HDAC8: variants seen among roughly 807,000 people sequenced by gnomAD.
HDAC8 encodes the protein histone deacetylase 8, also known as histone deacetylase-like 1.
HDAC8 carries 1 observed loss-of-function variant against 32.2 expected under a neutral mutation model. The observed-to-expected ratio is 0.03, with a 90% confidence interval of 0.01 to 0.15. The LOEUF is 0.15. Among genes scored for constraint, HDAC8 ranks in the 10% least tolerant of loss-of-function variants. The probability of loss-of-function intolerance (pLI) is 1.00; values close to 1 mark genes in which losing one functional copy is unlikely to be tolerated. For synonymous variants in HDAC8, 108 were observed against 113.9 expected, an observed-to-expected ratio of 0.95 and a Z score of 0.33; for missense variants, 117 against 300.0, an observed-to-expected ratio of 0.39 and a Z score of 4.51.
chrX:72,427,462 C>G (rs1162928052), intron 9 of HDAC8, among the ~76,000 whole-genome samples: 1 of 110,034 alleles, frequency 9.1e-6, no homozygotes, highest in Non-Finnish European at 1.9e-5. Flanking sequence ...ATGGATGAAG[C>G]TGGAAACCAT....
intron 4 of HDAC8, among the ~76,000 whole-genome samples, chrX:72,557,699 CA>C (rs1459747877): frequency 9.0e-6 from 1 of 110,944 alleles, no homozygotes; most frequent in Non-Finnish European, 1.9e-5. Flanking sequence ...AATCCAAGCC[CA>C]AACCCAGCAG....
At chrX:72,443,525 C>T (rs1306342282) in intron 9 of HDAC8, among the ~76,000 whole-genome samples, 1 of 111,952 alleles carries the variant, frequency 8.9e-6, no homozygotes, top group East Asian at 2.8e-4. Context: ...CTCTGGGACA[C>T]ATTCAAAGCA....
intron 4 of HDAC8, among the ~76,000 whole-genome samples, chrX:72,509,105 ATTT>A (rs782661463): frequency 9.8e-6 from 1 of 101,590 alleles, no homozygotes. Context: ...CCTCTTATCA[ATTT>A]TTTTTTTTTT....
At chrX:72,370,771 C>T (rs904132629) in intron 9 of HDAC8, among the ~76,000 whole-genome samples, 9 of 112,048 alleles carry the variant, frequency 8.0e-5, no homozygotes, top group African/African-American at 2.6e-4. Flanking sequence ...GTCTGATGTT[C>T]GAGGGCAGGA....
At chrX:72,364,544 A>G (rs1555953691) in intron 9 of HDAC8, among the ~76,000 whole-genome samples, 1 of 112,251 alleles carries the variant, frequency 8.9e-6, no homozygotes, top group Admixed American at 9.5e-5. Context: ...GAGAATGCTC[A>G]TCATCTTTTT....
intron 9 of HDAC8, among the ~76,000 whole-genome samples, chrX:72,414,744 G>T (rs2046289807): frequency 8.9e-6 from 1 of 111,788 alleles, no homozygotes; most frequent in Non-Finnish European, 1.9e-5. Flanking sequence ...GTCCACTTGT[G>T]CAGTGGCTGG....
intron 7 of HDAC8, among the ~76,000 whole-genome samples, chrX:72,481,405 A>G (rs2048499045): frequency 8.9e-6 from 1 of 111,938 alleles, no homozygotes; most frequent in Admixed American, 9.4e-5. Context: ...GGAAGGCTAA[A>G]TAATTACTTG....
chrX:72,396,864 A>G (rs1271171818), intron 9 of HDAC8, among the ~76,000 whole-genome samples: 3 of 111,737 alleles, frequency 2.7e-5, no homozygotes, highest in Non-Finnish European at 5.6e-5. Flanking sequence ...AACAACAACA[A>G]CAATAATGTA....
intron 9 of HDAC8, among the ~76,000 whole-genome samples, chrX:72,441,303 A>C (rs2047136597): frequency 3.6e-5 from 4 of 112,123 alleles, no homozygotes; most frequent in South Asian, 7.5e-4. Flanking sequence ...GGGCAGACTG[A>C]CACCTCACAC....
Position 72,345,450 on chromosome X carries a change from G to T in HDAC8, c.1111+6283C>A, listed in dbSNP as rs904667319. On this transcript the variant is annotated intron_variant, in intron 10 of 10. Coordinates refer to ENST00000373573, the MANE Select transcript of HDAC8 (RefSeq NM_018486.3). ...TGTTACACAATGTCTTCGGGTGCCA[G>T]TCTCCTACCTCATAAGGAAATTGTG... Among the ~76,000 whole-genome samples, 4 of 111,090 alleles carry T rather than the reference G, an allele frequency of 3.6e-5. No homozygotes were observed. In the Admixed American group the frequency reaches 3.8e-4, roughly 11 times the overall value.
intron 9 of HDAC8, among the ~76,000 whole-genome samples, chrX:72,390,235 T>C (rs2045577371): frequency 9.0e-6 from 1 of 111,713 alleles, no homozygotes; most frequent in South Asian, 3.7e-4. Context: ...TTGCTGACTA[T>C]AGTCACCCTG....
chrX:72,470,765 A>G (rs2048150623), intron 7 of HDAC8, among the ~76,000 whole-genome samples: 1 of 111,620 alleles, frequency 9.0e-6, no homozygotes, highest in Non-Finnish European at 1.9e-5. Flanking sequence ...AGCAACTGAC[A>G]GTTGATTCTA....
At chrX:72,363,461 C>G (rs73498321) in intron 9 of HDAC8, among the ~76,000 whole-genome samples, 10,180 of 110,966 alleles carry the variant, frequency 0.092, 550 homozygotes, top group African/African-American at 0.2. Flanking sequence ...AACAACTGCC[C>G]TCTCTCTATC....
At chrX:72,369,046 G>A (rs782086262) in intron 9 of HDAC8, among the ~76,000 whole-genome samples, 7 of 111,375 alleles carry the variant, frequency 6.3e-5, no homozygotes, top group Middle Eastern at 4.2e-3. Flanking sequence ...GGGTGACCTC[G>A]TCCAGGCTCT....
chrX:72,434,886 C>T (rs2046909334), intron 9 of HDAC8, among the ~76,000 whole-genome samples: 1 of 112,161 alleles, frequency 8.9e-6, no homozygotes, highest in Non-Finnish European at 1.9e-5. Context: ...AAATGATTTG[C>T]TCAACTTGCC....
intron 4 of HDAC8, among the ~76,000 whole-genome samples, chrX:72,532,473 CTT>C (rs782603262): frequency 2.6e-4 from 22 of 85,740 alleles, no homozygotes; most frequent in Non-Finnish European, 1.4e-4. Flanking sequence ...TTGCTAGTGT[CTT>C]TTTTTTTTTT....
At chrX:72,566,654 G>GCTTGGATA (rs1384723437) in intron 4 of HDAC8, among the ~76,000 whole-genome samples, 5 of 112,184 alleles carry the variant, frequency 4.5e-5, no homozygotes, top group African/African-American at 1.6e-4. Flanking sequence ...ATTGATTCCT[G>GCTTGGATA]AGTGAGGCAT....
intron 9 of HDAC8, among the ~76,000 whole-genome samples, chrX:72,440,605 C>T (rs980971221): frequency 8.0e-5 from 9 of 111,976 alleles, no homozygotes; most frequent in African/African-American, 1.9e-4. Flanking sequence ...GCGTGAGCGA[C>T]GCAGAAGACG....
At chrX:72,411,918 T>G (rs2046207895) in intron 9 of HDAC8, among the ~76,000 whole-genome samples, 1 of 111,967 alleles carries the variant, frequency 8.9e-6, no homozygotes. Flanking sequence ...GGGCACTCAT[T>G]GTGGGGAATA....
Sources: gnomAD v4.1 joint callset for allele counts (sites outside exome capture counted in the v4.1 genomes callset) on GRCh38, gnomAD v4.1.1 for gene constraint, MANE v1.5 for transcripts, NCBI Gene and HGNC (gene_info 2026-07-23, HGNC 2026-07-21) for gene names.